The following SLC9A9 variants were observed in gnomAD, a reference collection of about 807,000 sequenced individuals.
SLC9A9 encodes solute carrier family 9 member A9, also known as sodium/hydrogen exchanger 9.
Under a neutral mutation model 77.8 loss-of-function variants are expected in SLC9A9, and 62 were observed. That is an observed-to-expected ratio of 0.80 (90% CI 0.65 to 0.98). The LOEUF is 0.98. Among genes scored for constraint, SLC9A9 ranks in the 50% least tolerant of loss-of-function variants. The pLI is 0.00. For missense variants in SLC9A9, 775 were observed against 774.9 expected, an observed-to-expected ratio of 1.00 and a Z score of 0.00; for synonymous variants, 320 against 283.5, an observed-to-expected ratio of 1.13 and a Z score of -1.29.
At chr3:143,524,930 C>T (rs1249726130) in intron 9 of SLC9A9, among the ~76,000 whole-genome samples, 9 of 152,168 alleles carry the variant, frequency 5.9e-5, no homozygotes, top group Admixed American at 5.9e-4. Flanking sequence ...GCATGAAGCC[C>T]ACATCAGAAG....
At chr3:143,295,571 A>G (rs1559856188) in intron 14 of SLC9A9, among the ~76,000 whole-genome samples, 1 of 152,240 alleles carries the variant, frequency 6.6e-6, no homozygotes, top group Non-Finnish European at 1.5e-5. Context: ...ACTGACTCTG[A>G]GACATTCTTA....
At chr3:143,778,337 A>G (rs555908995) in intron 4 of SLC9A9, among the ~76,000 whole-genome samples, 1 of 152,210 alleles carries the variant, frequency 6.6e-6, no homozygotes, top group Non-Finnish European at 1.5e-5. Context: ...GAAGTGTATT[A>G]ACACTACTCA....
At chr3:143,576,072 G>A (rs533037177) in intron 7 of SLC9A9, among the ~76,000 whole-genome samples, 3 of 152,230 alleles carry the variant, frequency 2.0e-5, no homozygotes, top group African/African-American at 7.2e-5. Flanking sequence ...GTTCACATAT[G>A]TTACACCTTC....
intron 5 of SLC9A9, among the ~76,000 whole-genome samples, chr3:143,679,506 C>T (rs1403163303): frequency 2.0e-5 from 3 of 152,284 alleles, no homozygotes; most frequent in East Asian, 3.9e-4. Context: ...CCGTCTAGTG[C>T]GTTTTCAAAG....
At chr3:143,465,589 C>G (rs527391141) in intron 12 of SLC9A9, among the ~76,000 whole-genome samples, 12 of 152,314 alleles carry the variant, frequency 7.9e-5, no homozygotes, top group Non-Finnish European at 1.5e-4. Flanking sequence ...GTATTCAGTA[C>G]TTGCATTTTG....
chr3:143,512,926 T>C (rs2036141208), intron 9 of SLC9A9, among the ~76,000 whole-genome samples: 1 of 152,190 alleles, frequency 6.6e-6, no homozygotes, highest in South Asian at 2.1e-4. Context: ...CATGTATTCA[T>C]TAAAAATGCT....
intron 5 of SLC9A9, among the ~76,000 whole-genome samples, chr3:143,671,624 T>C (rs535995174): frequency 6.6e-6 from 1 of 152,246 alleles, no homozygotes; most frequent in African/African-American, 2.4e-5. Flanking sequence ...TTGAGGTTTA[T>C]ATGATGGAGT....
chr3:143,541,041 T>C (rs1469644611), intron 9 of SLC9A9, among the ~76,000 whole-genome samples: 1 of 152,166 alleles, frequency 6.6e-6, no homozygotes, highest in Non-Finnish European at 1.5e-5. Flanking sequence ...CCTGGTACTT[T>C]AAAATGTCCA....
At chr3:143,332,589 T>TG (rs1407295203) in intron 14 of SLC9A9, among the ~76,000 whole-genome samples, 1 of 152,246 alleles carries the variant, frequency 6.6e-6, no homozygotes, top group Non-Finnish European at 1.5e-5. Flanking sequence ...TTGTTACAAA[T>TG]GTCAATACCT....
intron 4 of SLC9A9, among the ~76,000 whole-genome samples, chr3:143,735,049 C>T (rs181404115): frequency 7.6e-4 from 115 of 152,316 alleles, no homozygotes; most frequent in Non-Finnish European, 1.4e-3. Context: ...TACTCAGATT[C>T]GAACACTTGC....
chr3:143,613,384 T>C (rs1265279591), intron 6 of SLC9A9, among the ~76,000 whole-genome samples: 4 of 152,234 alleles, frequency 2.6e-5, no homozygotes, highest in East Asian at 3.8e-4. Flanking sequence ...GACTTTTATA[T>C]GTTTAAAGCT....
At chr3:143,837,936 A>T (rs1168677488) in intron 1 of SLC9A9, among the ~76,000 whole-genome samples, 2 of 152,240 alleles carry the variant, frequency 1.3e-5, no homozygotes, top group Non-Finnish European at 2.9e-5. Flanking sequence ...CACTGAAGGT[A>T]GCAGAACAGA....
chr3:143,452,371 T>C (rs749710538), intron 12 of SLC9A9, among the ~76,000 whole-genome samples: 11 of 151,868 alleles, frequency 7.2e-5, no homozygotes, highest in Non-Finnish European at 1.5e-4. Flanking sequence ...ACAGGAAATA[T>C]AGCACCGAAA....
intron 5 of SLC9A9, among the ~76,000 whole-genome samples, chr3:143,670,642 G>A (rs576207404): frequency 2.6e-4 from 40 of 152,280 alleles, no homozygotes; most frequent in Non-Finnish European, 4.0e-4. Flanking sequence ...TTGGCTTGAG[G>A]TACAGGAGAC....
chr3:143,289,227 G>T (rs1426940258), intron 14 of SLC9A9, among the ~76,000 whole-genome samples: 1 of 152,156 alleles, frequency 6.6e-6, no homozygotes, highest in Non-Finnish European at 1.5e-5. Context: ...GAGGAGCTTA[G>T]CATTGGAGGC....
At chr3:143,278,469 C>T (rs1938118142) in intron 14 of SLC9A9, among the ~76,000 whole-genome samples, 2 of 152,188 alleles carry the variant, frequency 1.3e-5, no homozygotes, top group Non-Finnish European at 2.9e-5. Context: ...TAACAAAGTA[C>T]ACAAACTGAG....
At chr3:143,526,871 C>T (rs1052791235) in intron 9 of SLC9A9, among the ~76,000 whole-genome samples, 1 of 152,232 alleles carries the variant, frequency 6.6e-6, no homozygotes, top group East Asian at 1.9e-4. Flanking sequence ...ATATGTTATT[C>T]TGTGTGTTGA....
intron 12 of SLC9A9, among the ~76,000 whole-genome samples, chr3:143,388,093 G>T (rs575361336): frequency 6.6e-6 from 1 of 152,160 alleles, no homozygotes; most frequent in Non-Finnish European, 1.5e-5. Context: ...AGTAAGGGAA[G>T]AGTGGCTGGA....
chr3:143,813,545 G>T (rs139941656), intron 2 of SLC9A9, among the ~76,000 whole-genome samples: 235 of 152,172 alleles, frequency 1.5e-3, no homozygotes, highest in African/African-American at 5.6e-3. Flanking sequence ...TCTTCCTCCC[G>T]CTCCCAAACT....
Sources: gnomAD v4.1 joint callset for allele counts (sites outside exome capture counted in the v4.1 genomes callset) on GRCh38, gnomAD v4.1.1 for gene constraint, MANE v1.5 for transcripts, NCBI Gene and HGNC (gene_info 2026-07-23, HGNC 2026-07-21) for gene names.